The following TAFA5 variants were observed in gnomAD, a reference collection of about 807,000 sequenced individuals.
TAFA5 encodes chemokine-like protein TAFA-5.
In TAFA5, 6 loss-of-function variants were observed where a neutral mutation model predicts 15.3. The ratio of observed to expected loss-of-function variants is 0.39; its 90% CI spans 0.21 to 0.77. The LOEUF is 0.77. Among genes scored for constraint, TAFA5 ranks in the 30% least tolerant of loss-of-function variants. The pLI is 0.41. For synonymous variants in TAFA5, 103 were observed against 80.7 expected (o/e 1.28, Z -1.48); for missense variants, 161 against 193.1 (o/e 0.83, Z 0.98).
At chr22:48,616,994 A>G (rs1001605681) in intron 1 of TAFA5, among the ~76,000 whole-genome samples, 1 of 152,164 alleles carries the variant, frequency 6.6e-6, no homozygotes, top group African/African-American at 2.4e-5. Context: ...AAACAAAACC[A>G]GGGCTGGGCT....
At chr22:48,629,871 G>A (rs1165958133) in intron 1 of TAFA5, among the ~76,000 whole-genome samples, 3 of 151,986 alleles carry the variant, frequency 2.0e-5, no homozygotes, top group East Asian at 1.9e-4. Flanking sequence ...ACCCGGCAAC[G>A]CCGAGTGTCC....
chr22:48,544,396 A>C (rs541938395), intron 1 of TAFA5: 1 of 342,928 alleles, frequency 2.9e-6, no homozygotes, highest in South Asian at 2.3e-5. Flanking sequence ...CTCTGTCCCC[A>C]CTCCACGGCC....
Position 48,698,767 on chromosome 22 carries a change from T to G in TAFA5, c.263-8950T>G, listed in dbSNP as rs180877030. Among the ~76,000 whole-genome samples the G allele has an allele frequency of 1.5e-4, 7 of 47,792 alleles. 1 individual carries two copies. In the East Asian group the frequency reaches 4.3e-3, roughly 29 times the overall value. 31.4% of individuals were successfully genotyped at this position (47,792 alleles called of 152,430 possible). On this transcript the variant is annotated intron_variant, in intron 2 of 3. Coordinates refer to ENST00000402357, the MANE Select transcript of TAFA5 (RefSeq NM_001082967.3). ...TGGCCTCCCTTCCGCAGCCTCGGGGTGCAGCCCGTCTGGGCTCTACAGGCC... is the reference window on the plus strand; with the variant it reads ...TGGCCTCCCTTCCGCAGCCTCGGGGGGCAGCCCGTCTGGGCTCTACAGGCC...
intron 1 of TAFA5, among the ~76,000 whole-genome samples, chr22:48,555,460 T>C (rs1481497234): frequency 6.6e-6 from 1 of 152,232 alleles, no homozygotes; most frequent in East Asian, 1.9e-4. Flanking sequence ...AGCTCATTCC[T>C]GTGGCTTTTC....
At chr22:48,726,819 C>T (rs2147264598) in intron 3 of TAFA5, among the ~76,000 whole-genome samples, 1 of 152,348 alleles carries the variant, frequency 6.6e-6, no homozygotes, top group East Asian at 1.9e-4. Context: ...GCAGGCTCCA[C>T]CTGGCACTCT....
At chr22:48,629,292 A>G (rs1007983017) in intron 1 of TAFA5, among the ~76,000 whole-genome samples, 2 of 151,916 alleles carry the variant, frequency 1.3e-5, no homozygotes, top group Non-Finnish European at 2.9e-5. Context: ...CAGGCCTCCC[A>G]TCCTCCGGCT....
chr22:48,622,950 G>T (rs116790512), intron 1 of TAFA5, among the ~76,000 whole-genome samples: 1 of 152,232 alleles, frequency 6.6e-6, no homozygotes, highest in African/African-American at 2.4e-5. Context: ...CCCAATGCTC[G>T]CTTCCTTGTT....
intron 2 of TAFA5, among the ~76,000 whole-genome samples, chr22:48,677,773 G>T (rs1199435919): frequency 1.3e-5 from 2 of 152,150 alleles, no homozygotes; most frequent in East Asian, 3.9e-4. Context: ...GGGCGGGCGT[G>T]GCGTCCCCCT....
At chr22:48,687,122 GGATAGGTGGATA>G (rs974707846) in intron 2 of TAFA5, among the ~76,000 whole-genome samples, 5 of 151,764 alleles carry the variant, frequency 3.3e-5, no homozygotes, top group Admixed American at 1.3e-4. Context: ...ATGTTTGAAT[GGATAGGTGGATA>G]GATAGGTGGA....
rs1209519814 is a variant in TAFA5, at chr22:48,489,637, C to G, written c.45C>G (p.Ala15=). 6.6e-7 allele frequency: 1 copy of G among 1,524,166 alleles called. No individual in the cohort carries two copies. Among genetic ancestry groups the G allele is most frequent in the Admixed American group, 2.0e-5 (1 of 49,388 alleles). The allele number at this position is 1,524,166 out of a possible 1,614,324, so 94.4% of individuals were successfully genotyped here. A position where few individuals can be genotyped will look rare whatever the true frequency, so the allele number is the denominator to read the frequency against. The part of the protein sequence containing the change: ...PRTGSRQDAT[A]LPSMSSTFWA... ...CCGGCAGCCGGCAAGATGCGACCGCCCTGCCCAGCATGTCCTCAACTTTCT... is the reference window on the plus strand; with the variant it reads ...CCGGCAGCCGGCAAGATGCGACCGCGCTGCCCAGCATGTCCTCAACTTTCT... Residue 15 remains alanine, a synonymous_variant, in exon 1 of 4, where the codon GCC becomes GCG. Coordinates refer to ENST00000402357, the MANE Select transcript of TAFA5 (RefSeq NM_001082967.3). The surrounding 1 kb of genome is among the most constrained non-coding windows in gnomAD (Gnocchi z 5.5).
At chr22:48,625,973 T>G (rs1926013394) in intron 1 of TAFA5, among the ~76,000 whole-genome samples, 1 of 152,240 alleles carries the variant, frequency 6.6e-6, no homozygotes, top group South Asian at 2.1e-4. Flanking sequence ...ACTGACCTTT[T>G]GCCCTCAGCA....
intron 1 of TAFA5, among the ~76,000 whole-genome samples, chr22:48,509,729 A>T (rs1198819677): frequency 6.6e-6 from 1 of 152,176 alleles, no homozygotes; most frequent in Non-Finnish European, 1.5e-5. Context: ...AGGCGGGCGG[A>T]TCACGAGGTC....
intron 1 of TAFA5, among the ~76,000 whole-genome samples, chr22:48,638,161 C>T (rs545923366): frequency 3.9e-5 from 6 of 152,166 alleles, no homozygotes; most frequent in South Asian, 2.1e-4. Flanking sequence ...CAGTTGCTGG[C>T]GTTGCTCACA....
intron 1 of TAFA5, among the ~76,000 whole-genome samples, chr22:48,614,454 C>CACG (rs1925524498): frequency 6.6e-6 from 1 of 152,210 alleles, no homozygotes; most frequent in South Asian, 2.1e-4. Flanking sequence ...TCCTGGTTTG[C>CACG]ACGACACTTG....
intron 2 of TAFA5, among the ~76,000 whole-genome samples, chr22:48,694,039 GC>G (rs1414710370): frequency 6.6e-6 from 1 of 152,262 alleles, no homozygotes; most frequent in African/African-American, 2.4e-5. Context: ...TGAGGTCCCT[GC>G]CCACAGGCCA....
chr22:48,698,218 A>G lies in TAFA5; in HGVS notation c.263-9499A>G, dbSNP rs528139088. Among the ~76,000 whole-genome samples, 18 of 151,790 alleles carry G rather than the reference A, an allele frequency of 1.2e-4. No individual in the cohort carries two copies. In the South Asian group the frequency reaches 1.9e-3, roughly 16 times the overall value. ...GGTGACAATAATGATGGTGATGATA[A>G]TGGCAGTGGTGATGATGATGGCCCA... On this transcript the variant is annotated intron_variant, in intron 2 of 3. Transcript: ENST00000402357.
intron 3 of TAFA5, among the ~76,000 whole-genome samples, chr22:48,724,991 G>A (rs1929674260): frequency 6.6e-6 from 1 of 152,236 alleles, no homozygotes; most frequent in African/African-American, 2.4e-5. Context: ...GGCGCACCAG[G>A]AACTGTGTTC....
At chr22:48,675,792 G>C (rs987452844) in intron 2 of TAFA5, among the ~76,000 whole-genome samples, 7 of 152,252 alleles carry the variant, frequency 4.6e-5, no homozygotes, top group African/African-American at 1.7e-4. Flanking sequence ...GACCCACCCT[G>C]TCCTCCCCAG....
chr22:48,519,182 T>G (rs1399592459), intron 1 of TAFA5, among the ~76,000 whole-genome samples: 2 of 152,252 alleles, frequency 1.3e-5, no homozygotes, highest in African/African-American at 4.8e-5. Flanking sequence ...ATTTGCTTTC[T>G]CAGCCGATGC....
Sources: gnomAD v4.1 joint callset for allele counts (sites outside exome capture counted in the v4.1 genomes callset) on GRCh38, gnomAD v4.1.1 for gene constraint, Gnocchi (gnomAD v3.1) non-coding constraint, MANE v1.5 for transcripts, NCBI Gene and HGNC (gene_info 2026-07-23, HGNC 2026-07-21) for gene names.